ARHGEF3: variants seen among roughly 807,000 people sequenced by gnomAD.
ARHGEF3 encodes 59.8 kDA protein.
Under a neutral mutation model 63.2 loss-of-function variants are expected in ARHGEF3, and 28 were observed. The ratio of observed to expected loss-of-function variants is 0.44; its 90% CI spans 0.33 to 0.61. The LOEUF (loss-of-function observed/expected upper bound fraction) is 0.61. Among genes scored for constraint, ARHGEF3 ranks in the 20% least tolerant of loss-of-function variants. The pLI, the probability that ARHGEF3 is intolerant of heterozygous loss-of-function variation, is 0.03. For missense variants in ARHGEF3, 533 were observed against 659.3 expected, an observed-to-expected ratio of 0.81 and a Z score of 2.10; for synonymous variants, 266 against 254.2, an observed-to-expected ratio of 1.05 and a Z score of -0.44.
chr3:56,912,190 C>T (rs901875646), intron 3 of ARHGEF3, among the ~76,000 whole-genome samples: 14 of 152,142 alleles, frequency 9.2e-5, no homozygotes, highest in African/African-American at 3.4e-4. Flanking sequence ...TATTTGCATA[C>T]TTTAGATTCA....
chr3:56,855,777 G>C (rs558793388), intron 4 of ARHGEF3, among the ~76,000 whole-genome samples: 2 of 151,868 alleles, frequency 1.3e-5, no homozygotes, highest in Non-Finnish European at 2.9e-5. Flanking sequence ...CGACACTAAA[G>C]TGGAAGGAAA....
chr3:56,840,392 C>T (rs956754254), intron 4 of ARHGEF3, among the ~76,000 whole-genome samples: 1 of 152,210 alleles, frequency 6.6e-6, no homozygotes, highest in African/African-American at 2.4e-5. Flanking sequence ...GGAAAGGGAA[C>T]AGAGATGTGT....
intron 1 of ARHGEF3, among the ~76,000 whole-genome samples, chr3:57,048,568 A>G (rs1325010922): frequency 6.6e-6 from 1 of 152,050 alleles, no homozygotes; most frequent in Non-Finnish European, 1.5e-5. Context: ...ATGCTTCCGG[A>G]GGCAAAGCCT....
intron 2 of ARHGEF3, among the ~76,000 whole-genome samples, chr3:57,023,964 G>A (rs1183075724): frequency 2.0e-5 from 3 of 152,298 alleles, no homozygotes; most frequent in East Asian, 3.9e-4. Flanking sequence ...GTAGACACTC[G>A]AGATAGACTT....
At chr3:57,072,934 T>C (rs1311260580) in intron 1 of ARHGEF3, among the ~76,000 whole-genome samples, 1 of 152,004 alleles carries the variant, frequency 6.6e-6, no homozygotes, top group Non-Finnish European at 1.5e-5. Flanking sequence ...TAATCCCAGC[T>C]ACTCGGGAGG....
chr3:56,765,128 G>C (rs961046038), intron 2 of ARHGEF3, among the ~76,000 whole-genome samples: 3 of 152,140 alleles, frequency 2.0e-5, no homozygotes, highest in African/African-American at 7.2e-5. Flanking sequence ...GAATAGTAAA[G>C]AACAGCAGAG....
intron 3 of ARHGEF3, among the ~76,000 whole-genome samples, chr3:56,938,446 A>T (rs1699012620): frequency 6.6e-6 from 1 of 152,214 alleles, no homozygotes; most frequent in African/African-American, 2.4e-5. Context: ...AAGTGATGTT[A>T]CTTATAATTA....
At chr3:56,986,216 T>C (rs1701531016) in intron 2 of ARHGEF3, among the ~76,000 whole-genome samples, 1 of 152,116 alleles carries the variant, frequency 6.6e-6, no homozygotes, top group South Asian at 2.1e-4. Flanking sequence ...GCAGGGTCTT[T>C]AGGGGTGGAC....
At chr3:56,854,182 G>A (rs559875788) in intron 4 of ARHGEF3, among the ~76,000 whole-genome samples, 4 of 152,104 alleles carry the variant, frequency 2.6e-5, no homozygotes, top group African/African-American at 9.6e-5. Context: ...GTGACAGAGC[G>A]AGACTCCATC....
chr3:56,806,073 T>A (rs183270702), upstream of ARHGEF3, among the ~76,000 whole-genome samples: 21 of 152,296 alleles, frequency 1.4e-4, no homozygotes, highest in African/African-American at 5.1e-4. Context: ...AGTATATAGG[T>A]TAAGGTCAGG....
upstream of ARHGEF3, among the ~76,000 whole-genome samples, chr3:56,804,949 C>T (rs1354702502): frequency 1.3e-5 from 2 of 152,144 alleles, no homozygotes; most frequent in African/African-American, 4.8e-5. Flanking sequence ...AGTACCCGAG[C>T]CACTTCTTAT....
chr3:56,730,267 G>C (rs781774757), intron 9 of ARHGEF3, among the ~76,000 whole-genome samples: 2 of 151,720 alleles, frequency 1.3e-5, no homozygotes, highest in Non-Finnish European at 2.9e-5. Context: ...TGATGGAGAA[G>C]ATATATGTAG....
rs116241564 is a variant in ARHGEF3 at position 56,773,754 on chromosome 3, C to T, written c.159G>A (p.Pro53=). The T allele has an allele frequency of 1.9e-3, 3,061 of 1,596,740 alleles. 6 individuals are homozygous for T. The highest frequency in any genetic ancestry group is 2.4e-3 in the Non-Finnish European group (2,867 of 1,173,378). Residue 53 remains proline, a synonymous_variant, in exon 2 of 10, where the codon CCG becomes CCA. Coordinates refer to ENST00000296315, the MANE Select transcript of ARHGEF3 (RefSeq NM_019555.3). ...GCTTTAATGGCGTGGCCTTCACGGG[C>T]GGGATGAGGTTTGCTAGCGACGTGA... ...SRVTSLANLI[P]PVKATPLKRF...
chr3:56,815,260 A>G (rs1489547856), intron 4 of ARHGEF3, among the ~76,000 whole-genome samples: 1 of 152,200 alleles, frequency 6.6e-6, no homozygotes. Context: ...CTTGAACCAT[A>G]TAACAAGGTG....
rs2032876270 is a variant in ARHGEF3, at chr3:56,728,546, C to T, written c.*724G>A. ...TAGGCTAGCAACCAACTATGAGAGA[C>T]ACCTCCTGGTGCCATGTGCATTTCA... On this transcript the variant is annotated 3_prime_UTR_variant, in exon 10 of 10. Transcript: ENST00000296315. The T allele has an allele frequency of 6.5e-6, 1 of 152,684 alleles. No homozygotes were observed. The highest frequency in any genetic ancestry group is 2.4e-5 in the African/African-American group (1 of 41,460). The allele number at this position is 152,684 out of a possible 1,614,324, so 9.5% of individuals were successfully genotyped here.
intron 3 of ARHGEF3, among the ~76,000 whole-genome samples, chr3:56,895,951 C>T (rs1413423973): frequency 6.6e-6 from 1 of 152,026 alleles, no homozygotes; most frequent in Non-Finnish European, 1.5e-5. Context: ...TCTTCTTAGG[C>T]CTTAGGAATT....
At chr3:57,065,838 G>A (rs901672037) in intron 1 of ARHGEF3, among the ~76,000 whole-genome samples, 1 of 152,112 alleles carries the variant, frequency 6.6e-6, no homozygotes, top group Non-Finnish European at 1.5e-5. Flanking sequence ...CCTACAGCTA[G>A]ATCTACGGAG....
At chr3:57,002,502 A>ATATATATATATGTTATATATATATGT (rs1317859227) in intron 2 of ARHGEF3, among the ~76,000 whole-genome samples, 3 of 81,058 alleles carry the variant, frequency 3.7e-5, no homozygotes, top group African/African-American at 1.3e-4. Context: ...TATATGTTAT[A>ATATATATATATGTTATATATATATGT]TATATATATA....
At chr3:56,935,303 T>C (rs1336932198) in intron 3 of ARHGEF3, among the ~76,000 whole-genome samples, 11 of 152,090 alleles carry the variant, frequency 7.2e-5, no homozygotes, top group Non-Finnish European at 8.8e-5. Context: ...AGCTCAGGGA[T>C]TGTAAACGCA....
Sources: gnomAD v4.1 joint callset for allele counts (sites outside exome capture counted in the v4.1 genomes callset) on GRCh38, gnomAD v4.1.1 for gene constraint, MANE v1.5 for transcripts, NCBI Gene and HGNC (gene_info 2026-07-23, HGNC 2026-07-21) for gene names.